The following NEDD4L variants were observed in gnomAD, a reference collection of about 807,000 sequenced individuals.
NEDD4L encodes the protein E3 ubiquitin-protein ligase NEDD4-like.
NEDD4L carries 54 observed loss-of-function variants against 148.9 expected under a neutral mutation model. That is an observed-to-expected ratio of 0.36 (90% CI 0.29 to 0.45). The LOEUF (loss-of-function observed/expected upper bound fraction) is 0.45, where lower values mean the gene tolerates loss of function less well. NEDD4L is among the 20% of genes least tolerant of loss of function. The probability of loss-of-function intolerance (pLI) is 1.00; values close to 1 mark genes in which losing one functional copy is unlikely to be tolerated. For missense variants in NEDD4L, 856 were observed against 1,233.8 expected (o/e 0.69, Z 4.59); for synonymous variants, 433 against 440.7 (o/e 0.98, Z 0.22).
chr18:58,083,393 GAAAC>G (rs1440758923), intron 1 of NEDD4L, among the ~76,000 whole-genome samples: 4 of 152,070 alleles, frequency 2.6e-5, no homozygotes, highest in African/African-American at 9.7e-5. Flanking sequence ...TCAAAAAACA[GAAAC>G]AAACCAGGGG....
intron 2 of NEDD4L, among the ~76,000 whole-genome samples, chr18:58,202,140 G>A (rs1336240362): frequency 3.3e-5 from 5 of 152,102 alleles, no homozygotes; most frequent in African/African-American, 1.2e-4. Context: ...GATTTAAGAG[G>A]TGCAGCTCTT....
At chr18:58,178,550 G>A (rs941961605) in intron 2 of NEDD4L, among the ~76,000 whole-genome samples, 13 of 152,082 alleles carry the variant, frequency 8.5e-5, no homozygotes, top group Non-Finnish European at 1.8e-4. Flanking sequence ...GCCCACTTTC[G>A]CTACGGAATA....
At chr18:58,119,047 C>T (rs2086048704) in intron 1 of NEDD4L, among the ~76,000 whole-genome samples, 1 of 152,242 alleles carries the variant, frequency 6.6e-6, no homozygotes. Context: ...ACACTGTCCT[C>T]ATCTTTTGTC....
At chr18:58,330,386 A>G (rs1027671474) in intron 10 of NEDD4L, among the ~76,000 whole-genome samples, 1 of 152,210 alleles carries the variant, frequency 6.6e-6, no homozygotes, top group African/African-American at 2.4e-5. Flanking sequence ...TTGCCCACAC[A>G]TATAGTAACA....
chr18:58,103,052 T>A (rs2084858270), intron 1 of NEDD4L, among the ~76,000 whole-genome samples: 1 of 151,884 alleles, frequency 6.6e-6, no homozygotes, highest in Non-Finnish European at 1.5e-5. Context: ...GGCTCGGTGT[T>A]ATGGACACAG....
chr18:58,132,595 G>A (rs1337106872), intron 1 of NEDD4L, among the ~76,000 whole-genome samples: 1 of 152,180 alleles, frequency 6.6e-6, no homozygotes, highest in Admixed American at 6.5e-5. Flanking sequence ...TTCACAAGGT[G>A]GCATAATAAT....
At chr18:58,067,473 C>T (rs72942925) in intron 1 of NEDD4L, among the ~76,000 whole-genome samples, 7,177 of 152,108 alleles carry the variant, frequency 0.047, 254 homozygotes, top group Middle Eastern at 0.092. Context: ...CTGCTTAAAG[C>T]AATGGTTGGG....
In NEDD4L at chr18:58,224,046, C is replaced by T. The variant is rs115331551; in HGVS notation, c.123-21381C>T. Reference sequence around the variant, plus strand: ...GACTTGGGCGCTTCCTGCCAAGAGCCCCCTGCCCTTCAGACTAAGTGGAAA... The same window carrying T: ...GACTTGGGCGCTTCCTGCCAAGAGCTCCCTGCCCTTCAGACTAAGTGGAAA... On this transcript the variant is annotated intron_variant, in intron 2 of 30. Coordinates refer to ENST00000400345, the MANE Select transcript of NEDD4L (RefSeq NM_001144967.3). Among the ~76,000 whole-genome samples, 1,033 of 152,312 alleles carry T rather than the reference C, an allele frequency of 6.8e-3. 15 individuals carry two copies. The highest frequency in any genetic ancestry group is 0.023 in the African/African-American group (941 of 41,558).
intron 5 of NEDD4L, among the ~76,000 whole-genome samples, chr18:58,275,846 T>A (rs559087389): frequency 8.5e-5 from 13 of 152,100 alleles, no homozygotes; most frequent in Non-Finnish European, 1.6e-4. Context: ...CACATGAGAA[T>A]CCCCTATGGG....
Position 58,044,758 on chromosome 18 carries a change from C to G in NEDD4L, c.48+50C>G, listed in dbSNP as rs756240743. ...GGGACTCCCCGGGGAGTTCCTATCC[C>G]GCGCCGGCAGGGGGAGGGGAAAGGG... On this transcript the variant is annotated intron_variant, in intron 1 of 30. Coordinates refer to ENST00000400345, the MANE Select transcript of NEDD4L (RefSeq NM_001144967.3). 10 of 1,587,866 alleles carry G rather than the reference C, an allele frequency of 6.3e-6. No individual in the cohort carries two copies. In the East Asian group the frequency reaches 1.2e-4, roughly 19 times the overall value.
chr18:58,242,959 C>T (rs1357791295), intron 2 of NEDD4L, among the ~76,000 whole-genome samples: 1 of 152,208 alleles, frequency 6.6e-6, no homozygotes, highest in Admixed American at 6.5e-5. Flanking sequence ...TGGATGAGCA[C>T]TCAAGATGTT....
At chr18:58,216,526 G>A (rs1257607728) in intron 2 of NEDD4L, among the ~76,000 whole-genome samples, 3 of 152,186 alleles carry the variant, frequency 2.0e-5, no homozygotes, top group Non-Finnish European at 4.4e-5. Context: ...TCAGAATGGA[G>A]AGGAGGAGAT....
chr18:58,310,344 G>A (rs1448641238), intron 5 of NEDD4L, among the ~76,000 whole-genome samples: 1 of 152,210 alleles, frequency 6.6e-6, no homozygotes, highest in African/African-American at 2.4e-5. Flanking sequence ...TTAAATGGCA[G>A]AGGAGCTGGC....
chr18:58,329,739 T>C (rs895507886), intron 10 of NEDD4L, among the ~76,000 whole-genome samples: 5 of 151,664 alleles, frequency 3.3e-5, no homozygotes, highest in Non-Finnish European at 7.4e-5. Flanking sequence ...GACCTCATGA[T>C]CCACCTGCCT....
intron 1 of NEDD4L, among the ~76,000 whole-genome samples, chr18:58,113,001 CA>C (rs1395611718): frequency 6.6e-6 from 1 of 152,198 alleles, no homozygotes; most frequent in African/African-American, 2.4e-5. Flanking sequence ...TGTGAGGATA[CA>C]GCAAAGAACG....
chr18:58,156,425 T>A (rs2035504172), intron 1 of NEDD4L, among the ~76,000 whole-genome samples: 1 of 152,236 alleles, frequency 6.6e-6, no homozygotes, highest in Non-Finnish European at 1.5e-5. Flanking sequence ...GGAATTTTAA[T>A]TATTCCTGCG....
At chr18:58,253,191 A>G (rs1438770389) in intron 5 of NEDD4L, among the ~76,000 whole-genome samples, 3 of 152,206 alleles carry the variant, frequency 2.0e-5, no homozygotes, top group African/African-American at 7.2e-5. Context: ...GCCTTATACA[A>G]TAACTCATTT....
chr18:58,226,158 A>G (rs919668966), intron 2 of NEDD4L, among the ~76,000 whole-genome samples: 1 of 152,214 alleles, frequency 6.6e-6, no homozygotes, highest in Non-Finnish European at 1.5e-5. Context: ...TCCACTCATC[A>G]AAGATACTCA....
chr18:58,297,043 C>T (rs1182128234), intron 5 of NEDD4L, among the ~76,000 whole-genome samples: 2 of 151,952 alleles, frequency 1.3e-5, no homozygotes, highest in African/African-American at 2.4e-5. Context: ...GCCGAGATCA[C>T]GCCACTGCAC....
Sources: gnomAD v4.1 joint callset for allele counts (sites outside exome capture counted in the v4.1 genomes callset) on GRCh38, gnomAD v4.1.1 for gene constraint, MANE v1.5 for transcripts, NCBI Gene and HGNC (gene_info 2026-07-23, HGNC 2026-07-21) for gene names.